PSPC1: variants seen among roughly 807,000 people sequenced by gnomAD.
The protein encoded by PSPC1 is paraspeckle protein 1.
PSPC1 carries 14 observed loss-of-function variants against 51.6 expected under a neutral mutation model. The ratio of observed to expected loss-of-function variants is 0.27; its 90% CI spans 0.18 to 0.42. The LOEUF is 0.42. PSPC1 is among the 10% of genes least tolerant of loss of function. PSPC1 has a pLI of 1.00. For synonymous variants in PSPC1, 193 were observed against 231.9 expected (o/e 0.83, Z 1.53); for missense variants, 406 against 701.1 (o/e 0.58, Z 4.75).
At position 19,733,120 on chromosome 13, in the gene PSPC1, A is replaced by T. The variant is rs4769899; in HGVS notation, c.1053-2776T>A. ...AATGTGCAGGGACATATGTATACAC[A>T]GATATATATTGTGGCATTATTTATA... is the stretch of plus-strand genomic sequence containing the variant. On this transcript the variant is annotated intron_variant, in intron 5 of 8. Transcript: ENST00000338910. 1.2e-3 allele frequency among the ~76,000 whole-genome samples: 190 copies of T among 152,306 alleles called. 2 individuals are homozygous for T. Among genetic ancestry groups the T allele is most frequent in the Admixed American group, 8.0e-3 (123 of 15,300 alleles).
At chr13:19,761,109 C>G (rs1887570394) in intron 2 of PSPC1, among the ~76,000 whole-genome samples, 1 of 152,014 alleles carries the variant, frequency 6.6e-6, no homozygotes, top group South Asian at 2.1e-4. Context: ...AGAGCCACTG[C>G]ACTCTAACCT....
downstream of PSPC1, chr13:19,673,083 A>G (rs983125521): frequency 5.2e-5 from 20 of 384,464 alleles, no homozygotes; most frequent in African/African-American, 4.7e-4. Context: ...CTTGGAACCT[A>G]TACGGTTTTT....
chr13:19,761,348 A>T (rs1385684909), intron 2 of PSPC1, among the ~76,000 whole-genome samples: 1 of 152,126 alleles, frequency 6.6e-6, no homozygotes, highest in Non-Finnish European at 1.5e-5. Context: ...AAGAGGAATA[A>T]GCAGAATGGA....
chr13:19,711,639 T>TTA lies in PSPC1; in HGVS notation c.1159-2041_1159-2040insTA, dbSNP rs1555232002. On this transcript the variant is annotated intron_variant, in intron 6 of 8. Coordinates refer to ENST00000338910, the MANE Select transcript of PSPC1 (RefSeq NM_001354909.2). ...GGCAACAAAGAGAGACTCCGTCTCA[T>TTA]AAAAAAAAAAAAAAAAAAAAAAGAA... 1.7e-3 allele frequency among the ~76,000 whole-genome samples: 135 copies of TTA among 80,938 alleles called. 1 individual carries two copies. In the East Asian group the frequency reaches 0.03, roughly 18 times the overall value. The allele number at this position is 80,938 out of a possible 152,430, so 53.1% of individuals were successfully genotyped here. A position where few individuals can be genotyped will look rare whatever the true frequency, so the allele number is the denominator to read the frequency against.
At chr13:19,725,536 C>A (rs1419955919) in intron 6 of PSPC1, among the ~76,000 whole-genome samples, 1 of 152,022 alleles carries the variant, frequency 6.6e-6, no homozygotes, top group Non-Finnish European at 1.5e-5. Flanking sequence ...CTTGGCAGGC[C>A]ATGTAGTCTC....
intron 5 of PSPC1, among the ~76,000 whole-genome samples, chr13:19,737,965 C>T (rs191097427): frequency 1.3e-5 from 2 of 152,156 alleles, no homozygotes; most frequent in African/African-American, 4.8e-5. Flanking sequence ...TGGTGGTAAA[C>T]ACCTATAGTC....
At chr13:19,698,376 A>C (rs7989657), downstream of PSPC1, among the ~76,000 whole-genome samples, 4 of 151,932 alleles carry the variant, frequency 2.6e-5, no homozygotes, top group Admixed American at 1.3e-4. Context: ...AAAACACTTA[A>C]ACAAAGCATT....
At chr13:19,673,327 T>A (rs2137552358), downstream of PSPC1, 1 of 301,162 alleles carries the variant, frequency 3.3e-6, no homozygotes, top group African/African-American at 2.2e-5. Flanking sequence ...GAAATACGAT[T>A]TTAATGAAAA....
At chr13:19,765,150 CCT>C (rs1887942643) in intron 2 of PSPC1, among the ~76,000 whole-genome samples, 1 of 151,112 alleles carries the variant, frequency 6.6e-6, no homozygotes, top group Non-Finnish European at 1.5e-5. Context: ...ATGGTGAAAC[CCT>C]GTCTCCAGTA....
rs1192728889 is a variant in PSPC1 at position 19,782,551 on chromosome 13, A to C, written c.207T>G (p.Ser69Arg). Reference protein sequence around the residue: ...EEMGFTIDIKSFLKPGEKTYT... With the variant: ...EEMGFTIDIKRFLKPGEKTYT... ...ACGTCTTCTCGCCCGGCTTGAGGAA[A>C]CTCTTGATGTCGATAGTGAACCCCA... is the stretch of plus-strand genomic sequence containing the variant. Residue 69 changes from serine (S) to arginine (R), a missense_variant, in exon 1 of 9, where the codon AGT (serine) becomes AGG (arginine). Transcript: ENST00000338910. The surrounding 1 kb of genome is among the most constrained non-coding windows in gnomAD (Gnocchi z 4.5). The C allele has an allele frequency of 1.2e-6, 2 of 1,606,502 alleles. No homozygotes were observed. The highest frequency in any genetic ancestry group is 1.4e-5 in the African/African-American group (1 of 73,644).
intron 6 of PSPC1, among the ~76,000 whole-genome samples, chr13:19,690,658 T>C (rs182694846): frequency 6.6e-6 from 1 of 152,248 alleles, no homozygotes; most frequent in African/African-American, 2.4e-5. Context: ...AGCCAATCAA[T>C]ACAAAGAACA....
intron 3 of PSPC1, among the ~76,000 whole-genome samples, chr13:19,752,428 A>G (rs1410479605): frequency 6.6e-6 from 1 of 152,098 alleles, no homozygotes; most frequent in East Asian, 1.9e-4. Flanking sequence ...ATATACATAT[A>G]TATGTAAATA....
downstream of PSPC1, chr13:19,673,054 CA>C (rs752838814): frequency 0.21 from 67,682 of 324,672 alleles, no homozygotes; most frequent in South Asian, 0.31. Flanking sequence ...GACCTTGTCT[CA>C]AAAAAAAAAA....
intron 6 of PSPC1, among the ~76,000 whole-genome samples, chr13:19,685,998 T>C (rs1877828670): frequency 6.6e-6 from 1 of 152,176 alleles, no homozygotes; most frequent in African/African-American, 2.4e-5. Flanking sequence ...CTCTTACATA[T>C]TTATCTGCCA....
At chr13:19,686,904 G>A (rs533678153) in intron 6 of PSPC1, among the ~76,000 whole-genome samples, 6 of 152,174 alleles carry the variant, frequency 3.9e-5, no homozygotes, top group Middle Eastern at 3.4e-3. Context: ...TATGAATATA[G>A]CCATCTTTAG....
chr13:19,686,591 A>C (rs1355134349), intron 6 of PSPC1, among the ~76,000 whole-genome samples: 1 of 152,226 alleles, frequency 6.6e-6, no homozygotes, highest in Non-Finnish European at 1.5e-5. Context: ...GATGATACTG[A>C]GAAATTTACT....
intron 2 of PSPC1, among the ~76,000 whole-genome samples, chr13:19,765,562 G>A (rs966868560): frequency 3.1e-4 from 46 of 148,960 alleles, no homozygotes; most frequent in Admixed American, 1.7e-3. Context: ...TCGAACTCCC[G>A]GGCTCAAGCA....
At chr13:19,708,568 C>T (rs1205932512) in intron 7 of PSPC1, among the ~76,000 whole-genome samples, 1 of 152,158 alleles carries the variant, frequency 6.6e-6, no homozygotes, top group Non-Finnish European at 1.5e-5. Context: ...TGCAACTTGG[C>T]TATACGAGCA....
intron 1 of PSPC1, among the ~76,000 whole-genome samples, chr13:19,776,514 C>T (rs186663731): frequency 5.9e-5 from 9 of 151,380 alleles, no homozygotes; most frequent in Admixed American, 5.9e-4. Context: ...TTACTATATG[C>T]AAATTTTTTT....
Sources: allele counts gnomAD v4.1 joint callset (sites outside exome capture counted in the v4.1 genomes callset), GRCh38; gene constraint gnomAD v4.1.1; non-coding constraint Gnocchi (gnomAD v3.1); transcripts MANE v1.5; gene names NCBI Gene and HGNC (gene_info 2026-07-23, HGNC 2026-07-21).